The following RBBP8 variants were observed in gnomAD, a reference collection of about 807,000 sequenced individuals.
The protein encoded by RBBP8 is RB binding protein 8, endonuclease.
RBBP8 carries 88 observed loss-of-function variants against 108.3 expected under a neutral mutation model. The observed-to-expected ratio is 0.81, with a 90% CI of 0.68 to 0.97. The LOEUF (loss-of-function observed/expected upper bound fraction) is 0.97, where lower values mean the gene tolerates loss of function less well. Among genes scored for constraint, RBBP8 ranks in the 50% least tolerant of loss-of-function variants. RBBP8 has a pLI of 0.00. For missense variants in RBBP8, 1,023 were observed against 1,049.0 expected (o/e 0.98, Z 0.34); for synonymous variants, 332 against 348.2 (o/e 0.95, Z 0.52).
intron 5 of RBBP8, among the ~76,000 whole-genome samples, chr18:22,972,456 T>G (rs1914179955): frequency 6.7e-6 from 1 of 149,558 alleles, no homozygotes; most frequent in Admixed American, 6.6e-5. Context: ...CTCTGTCTCC[T>G]AGGCTGGAGT....
intron 2 of RBBP8, among the ~76,000 whole-genome samples, chr18:22,942,726 T>C (rs7233176): frequency 1 from 151,905 of 152,212 alleles, 75,802 homozygotes; most frequent in Middle Eastern, 1. Context: ...TTTCAAAAGT[T>C]TTAAAGCATA....
intron 3 of RBBP8, among the ~76,000 whole-genome samples, chr18:22,927,059 G>T (rs1909816065): frequency 1.3e-5 from 2 of 152,136 alleles, no homozygotes; most frequent in African/African-American, 2.4e-5. Flanking sequence ...TTAAAAAATT[G>T]AATCAAGTGT....
chr18:22,939,375 G>A (rs1467007570), intron 2 of RBBP8, among the ~76,000 whole-genome samples: 2 of 152,104 alleles, frequency 1.3e-5, no homozygotes, highest in African/African-American at 2.4e-5. Context: ...GTGTGGTGGT[G>A]CGCACCTGTA....
intron 9 of RBBP8, among the ~76,000 whole-genome samples, chr18:22,990,013 A>G (rs1321689484): frequency 6.6e-6 from 1 of 152,184 alleles, no homozygotes; most frequent in East Asian, 1.9e-4. Flanking sequence ...TAAAAATTGA[A>G]TTAGTTTTTC....
At chr18:22,976,066 A>G (rs1467525896) in intron 6 of RBBP8, among the ~76,000 whole-genome samples, 1 of 152,164 alleles carries the variant, frequency 6.6e-6, no homozygotes, top group African/African-American at 2.4e-5. Context: ...TTAAGTAGAC[A>G]TCTACAAAAA....
At chr18:23,007,936 G>A (rs779506305) in intron 16 of RBBP8, among the ~76,000 whole-genome samples, 1 of 150,748 alleles carries the variant, frequency 6.6e-6, no homozygotes, top group Non-Finnish European at 1.5e-5. Context: ...CATCAGCCTC[G>A]CGAGTAGCTG....
At chr18:23,011,115 G>A (rs2046151882) in intron 16 of RBBP8, among the ~76,000 whole-genome samples, 1 of 152,150 alleles carries the variant, frequency 6.6e-6, no homozygotes, top group Non-Finnish European at 1.5e-5. Flanking sequence ...AACAAAAAAG[G>A]ACTTATACTT....
At chr18:22,921,254 CTA>C (rs1321536036) in intron 3 of RBBP8, among the ~76,000 whole-genome samples, 3 of 152,174 alleles carry the variant, frequency 2.0e-5, no homozygotes, top group African/African-American at 7.2e-5. Flanking sequence ...TCATCCACCA[CTA>C]TGAGCAAACA....
In RBBP8 at chr18:22,993,640, G is replaced by T; in HGVS notation, c.1812+1G>T. The T allele has an allele frequency of 6.2e-7, 1 of 1,614,190 alleles. No individual in the cohort carries two copies. Among genetic ancestry groups the T allele is most frequent in the Non-Finnish European group, 8.5e-7 (1 of 1,180,012 alleles). On this transcript the variant is annotated splice_donor_variant, in intron 11 of 18. Coordinates refer to ENST00000327155, the MANE Select transcript of RBBP8 (RefSeq NM_002894.3). LOFTEE classifies it high-confidence loss of function. Reference sequence around the variant, plus strand: ...TGAGAATGTTTTAGATGACATAAAGGTTTGTGTTAAATGTTCAAGGATTTT... The same window carrying T: ...TGAGAATGTTTTAGATGACATAAAGTTTTGTGTTAAATGTTCAAGGATTTT...
chr18:23,012,844 G>A (rs2046192190), intron 16 of RBBP8, among the ~76,000 whole-genome samples: 1 of 152,186 alleles, frequency 6.6e-6, no homozygotes, highest in African/African-American at 2.4e-5. Flanking sequence ...GGAGAAACCA[G>A]TGCCTGGCTT....
At chr18:23,013,700 CGT>C (rs2046209976) in intron 16 of RBBP8, among the ~76,000 whole-genome samples, 1 of 152,168 alleles carries the variant, frequency 6.6e-6, no homozygotes, top group Non-Finnish European at 1.5e-5. Flanking sequence ...AAAATAACCT[CGT>C]GGCTAATTTG....
intron 2 of RBBP8, among the ~76,000 whole-genome samples, chr18:22,945,127 A>G (rs1184346055): frequency 6.6e-6 from 1 of 152,170 alleles, no homozygotes; most frequent in Non-Finnish European, 1.5e-5. Context: ...ATTTATTGGT[A>G]ACTAACTGCC....
At chr18:23,003,277 T>C (rs114724786) in intron 15 of RBBP8, among the ~76,000 whole-genome samples, 2,467 of 152,354 alleles carry the variant, frequency 0.016, 77 homozygotes, top group African/African-American at 0.057. Flanking sequence ...TTAAACGTAA[T>C]GTCTAAGCCA....
At position 22,993,658 on chromosome 18, in the gene RBBP8, A is replaced by G. The variant is rs1236475035; in HGVS notation, c.1812+19A>G. The G allele has an allele frequency of 6.2e-7, 1 of 1,614,244 alleles. No homozygotes were observed. The highest frequency in any genetic ancestry group is 2.2e-5 in the East Asian group (1 of 44,888). On this transcript the variant is annotated intron_variant, in intron 11 of 18. Transcript: ENST00000327155. ...CATAAAGGTTTGTGTTAAATGTTCA[A>G]GGATTTTGATTAAAATGATTGCTTG...
intron 3 of RBBP8, among the ~76,000 whole-genome samples, chr18:22,925,866 A>T (rs1836939060): frequency 6.6e-6 from 1 of 152,214 alleles, no homozygotes; most frequent in African/African-American, 2.4e-5. Flanking sequence ...AATGGTAAAG[A>T]TTTGTTTTTC....
At chr18:23,006,523 A>G (rs1448915024) in intron 16 of RBBP8, 91 bp downstream of exon 16, 5 of 1,143,524 alleles carry the variant, frequency 4.4e-6, no homozygotes, top group Non-Finnish European at 6.4e-6. Context: ...TTTTTTAAAG[A>G]CAGAGTCTTG....
intron 8 of RBBP8, 58 bp downstream of exon 8, chr18:22,985,048 C>G: frequency 6.2e-7 from 1 of 1,602,116 alleles, no homozygotes; most frequent in East Asian, 2.3e-5. Context: ...TGGTGGGTAA[C>G]AGTGACCCAC....
chr18:22,971,149 A>T (rs78121993), intron 5 of RBBP8, among the ~76,000 whole-genome samples: 1 of 240 alleles, frequency 4.2e-3, no homozygotes, highest in Non-Finnish European at 0.05. Context: ...GAGAGTCTTT[A>T]AAAAAAAAAA....
chr18:23,007,219 C>T (rs570665628), intron 16 of RBBP8, among the ~76,000 whole-genome samples: 2 of 151,712 alleles, frequency 1.3e-5, no homozygotes, highest in Non-Finnish European at 2.9e-5. Context: ...TGGGATTTCA[C>T]CATGTTGGCC....
Sources: gnomAD v4.1 joint callset for allele counts (sites outside exome capture counted in the v4.1 genomes callset) on GRCh38, gnomAD v4.1.1 for gene constraint, MANE v1.5 for transcripts, NCBI Gene and HGNC (gene_info 2026-07-23, HGNC 2026-07-21) for gene names.